The following NCOA4 variants were observed in gnomAD, a reference collection of about 807,000 sequenced individuals.
NCOA4 encodes the protein 70 kDa AR-activator.
A neutral mutation model predicts 69.5 loss-of-function variants in NCOA4; 31 were observed. The ratio of observed to expected loss-of-function variants is 0.45; its 90% confidence interval spans 0.34 to 0.60. NCOA4 has a LOEUF of 0.60. NCOA4 is among the 20% of genes least tolerant of loss of function. NCOA4 has a pLI of 0.02. For missense variants in NCOA4, 600 were observed against 719.2 expected (o/e 0.83, Z 1.90); for synonymous variants, 228 against 252.4 (o/e 0.90, Z 0.92).
chr10:46,023,964 T>A (rs1554925065), intron 1 of NCOA4, among the ~76,000 whole-genome samples: 1 of 152,224 alleles, frequency 6.6e-6, no homozygotes, highest in Non-Finnish European at 1.5e-5. Flanking sequence ...CTTGCTGTTG[T>A]CTATGCATAT....
intron 1 of NCOA4, among the ~76,000 whole-genome samples, chr10:46,020,598 G>A (rs1839813774): frequency 6.6e-6 from 1 of 152,188 alleles, no homozygotes; most frequent in Non-Finnish European, 1.5e-5. Flanking sequence ...TAGACTCACA[G>A]ACTTAGGGGT....
In NCOA4 at chr10:46,013,586, G is replaced by GAA; in HGVS notation, c.532_533dup (p.Leu179SerfsTer20). On this transcript the variant is annotated frameshift_variant, in exon 6 of 10. Transcript: ENST00000581486. LOFTEE classifies it high-confidence loss of function. Reference sequence around the variant, plus strand: ...TGGAGATACAGCCTCTCTTCTCCAGGAAGGGCCCAATATTTGCTGAACTAG... The same window carrying GAA: ...TGGAGATACAGCCTCTCTTCTCCAGGAAAAGGGCCCAATATTTGCTGAACTAG... The GAA allele has an allele frequency of 3.1e-6, 5 of 1,613,492 alleles. No homozygotes were observed. The highest frequency in any genetic ancestry group is 4.2e-6 in the Non-Finnish European group (5 of 1,179,642).
At position 46,005,900 on chromosome 10, in the gene NCOA4, A is replaced by G. The variant is rs1240528779; in HGVS notation, c.*692T>C. 4.8e-6 allele frequency: 1 copy of G among 208,168 alleles called. No homozygotes were observed. The highest frequency in any genetic ancestry group is 9.8e-6 in the Non-Finnish European group (1 of 102,302). 12.9% of individuals were successfully genotyped at this position (208,168 alleles called of 1,614,324 possible). A position where few individuals can be genotyped will look rare whatever the true frequency, so the allele number is the denominator to read the frequency against. On this transcript the variant is annotated 3_prime_UTR_variant, in exon 10 of 10. Coordinates refer to ENST00000581486, the MANE Select transcript of NCOA4 (RefSeq NM_001145263.2). ...GAATTACCTCAAAAATAGTCTTGAAATAATACTGAGTCCTTCTAAAGAGCT... is the reference window on the plus strand; with the variant it reads ...GAATTACCTCAAAAATAGTCTTGAAGTAATACTGAGTCCTTCTAAAGAGCT...
chr10:46,026,006 A>C (rs1554925464), intron 1 of NCOA4, among the ~76,000 whole-genome samples: 1 of 152,216 alleles, frequency 6.6e-6, no homozygotes, highest in African/African-American at 2.4e-5. Context: ...CAATTGTACA[A>C]TGCTTCACCC....
intron 3 of NCOA4, 21 bp from the exon 4 acceptor site, chr10:46,014,963 A>G (rs1554922772): frequency 1.9e-6 from 3 of 1,607,170 alleles, no homozygotes; most frequent in Non-Finnish European, 2.6e-6. Flanking sequence ...AATGAAACCA[A>G]CTAGCCACAA....
Position 46,012,324 on chromosome 10 carries a change from G to C in NCOA4, c.714+559C>G, listed in dbSNP as rs1839282958. 3.3e-5 allele frequency among the ~76,000 whole-genome samples: 5 copies of C among 152,040 alleles called. No individual in the cohort carries two copies. In the South Asian group the frequency reaches 1.0e-3, roughly 31 times the overall value. ...TATCCAAAGTCTTAAAGCGTAAGCA[G>C]AATTATAATCTAGGAATGCAATTTC... is the stretch of plus-strand genomic sequence containing the variant. On this transcript the variant is annotated intron_variant, in intron 7 of 9. Coordinates refer to ENST00000581486, the MANE Select transcript of NCOA4 (RefSeq NM_001145263.2).
Position 46,005,482 on chromosome 10 carries a change from T to C in NCOA4, c.*1110A>G, listed in dbSNP as rs189027941. 52 of 221,128 alleles carry C rather than the reference T, an allele frequency of 2.4e-4. No homozygotes were observed. The East Asian group carries it at 3.0e-3, about 13-fold the overall frequency. 13.7% of individuals were successfully genotyped at this position (221,128 alleles called of 1,614,324 possible). A position where few individuals can be genotyped will look rare whatever the true frequency, so the allele number is the denominator to read the frequency against. ...CAAAGTCTGGAAAGCAGCAAAGATA[T>C]CTTAGAGAAAACATTATAAACCCCA... On this transcript the variant is annotated 3_prime_UTR_variant, in exon 10 of 10. Transcript: ENST00000581486.
At chr10:46,017,106 TGATTACTTTCAAAA>T (rs1352460134) in intron 1 of NCOA4, among the ~76,000 whole-genome samples, 1 of 152,248 alleles carries the variant, frequency 6.6e-6, no homozygotes, top group African/African-American at 2.4e-5. Flanking sequence ...GAAGGATCTT[TGATTACTTTCAAAA>T]TAAGCTGCAA....
chr10:46,008,366 A>G (rs185872966), intron 9 of NCOA4, among the ~76,000 whole-genome samples: 8 of 152,356 alleles, frequency 5.3e-5, no homozygotes, highest in Non-Finnish European at 1.0e-4. Flanking sequence ...CAAAATATCA[A>G]CATTAACAGG....
At chr10:46,011,924 G>C (rs1281916455) in intron 7 of NCOA4, among the ~76,000 whole-genome samples, 1 of 151,544 alleles carries the variant, frequency 6.6e-6, no homozygotes, top group African/African-American at 2.4e-5. Context: ...AGCAGGGTGT[G>C]GTGGCAAGCG....
intron 1 of NCOA4, among the ~76,000 whole-genome samples, chr10:46,025,955 A>G (rs1252127832): frequency 6.6e-6 from 1 of 152,202 alleles, no homozygotes; most frequent in Non-Finnish European, 1.5e-5. Flanking sequence ...TTCACATTCT[A>G]TGTGTGCCAC....
intron 1 of NCOA4, among the ~76,000 whole-genome samples, chr10:46,023,830 C>G (rs1447676738): frequency 6.6e-6 from 1 of 152,232 alleles, no homozygotes; most frequent in African/African-American, 2.4e-5. Flanking sequence ...GCTTATGGTA[C>G]TTCTAGCTTT....
rs559757030 is a variant in NCOA4 at position 46,006,111 on chromosome 10, A to C, written c.*481T>G. On this transcript the variant is annotated 3_prime_UTR_variant, in exon 10 of 10. Transcript: ENST00000581486. ...TTAATTTTTTTGTGCAAAATACACT[A>C]TGTATTAATAGAACAGGAAAATAAT... The C allele has an allele frequency of 4.6e-6, 1 of 218,532 alleles. No homozygotes were observed. Among genetic ancestry groups the C allele is most frequent in the African/African-American group, 2.2e-5 (1 of 44,486 alleles). The allele number at this position is 218,532 out of a possible 1,614,324, so 13.5% of individuals were successfully genotyped here.
chr10:46,012,081 A>AAAAAAAAAAAAAAAAAC (rs1839255209), intron 7 of NCOA4, among the ~76,000 whole-genome samples: 1 of 135,352 alleles, frequency 7.4e-6, no homozygotes, highest in Non-Finnish European at 1.5e-5. Context: ...AAAAAAAAAA[A>AAAAAAAAAAAAAAAAAC]AAAAAAAAAA....
rs782570752 is a variant in NCOA4 at position 46,016,610 on chromosome 10, C to T, written c.71G>A (p.Arg24Gln). Residue 24 changes from arginine (R) to glutamine (Q), a missense_variant, in exon 2 of 10, where the codon CGG (arginine) becomes CAG (glutamine). By Grantham distance (43) the Arg-to-Gln change is conservative (BLOSUM62 1). Coordinates refer to ENST00000581486, the MANE Select transcript of NCOA4 (RefSeq NM_001145263.2). ...ACCAATAGCAAGCTCCAAGTCCCTCCGTGCATCACTACACCTCAAAAGGGG... is the reference window on the plus strand; with the variant it reads ...ACCAATAGCAAGCTCCAAGTCCCTCTGTGCATCACTACACCTCAAAAGGGG... ...REPLLRCSDA[R>Q]RDLELAIGGV... 11 of 1,566,274 alleles carry T rather than the reference C, an allele frequency of 7.0e-6. No homozygotes were observed. Among genetic ancestry groups the T allele is most frequent in the African/African-American group, 5.4e-5 (4 of 73,970 alleles).
chr10:46,008,851 TAATC>T (rs1839013322), intron 9 of NCOA4, among the ~76,000 whole-genome samples: 3 of 152,222 alleles, frequency 2.0e-5, no homozygotes, highest in African/African-American at 7.2e-5. Context: ...GCTACCATCC[TAATC>T]AGTCAGCAGT....
chr10:46,010,607 ATCCTT>A lies in NCOA4; in HGVS notation c.1309_1313del (p.Lys437Ter). 1 of 1,613,908 alleles carries A rather than the reference ATCCTT, an allele frequency of 6.2e-7. No individual in the cohort carries two copies. The highest frequency in any genetic ancestry group is 8.5e-7 in the Non-Finnish European group (1 of 1,179,984). The stretch of plus-strand genomic sequence containing the variant: ...TGGGTTCCACAGGCATCCCATTTTT[ATCCTT>A]TCCTTCTTTCTTCAGAAGCCACTTA... On this transcript the variant is annotated frameshift_variant, in exon 8 of 10. Transcript: ENST00000581486. LOFTEE classifies it high-confidence loss of function.
Position 46,010,747 on chromosome 10 carries a change from G to T in NCOA4, c.1174C>A (p.Gln392Lys). 1.2e-6 allele frequency: 2 copies of T among 1,613,900 alleles called. No individual in the cohort carries two copies. Among genetic ancestry groups the T allele is most frequent in the African/African-American group, 1.3e-5 (1 of 75,002 alleles). Residue 392 changes from glutamine (Q) to lysine (K), a missense_variant, in exon 8 of 10, where the codon CAG becomes AAG. Coordinates refer to ENST00000581486, the MANE Select transcript of NCOA4 (RefSeq NM_001145263.2). ...ACCTTACATGGGTCCTGATGGTTCTGGACAAGCCAATCCTCTGTAACCATG... is the reference window on the plus strand; with the variant it reads ...ACCTTACATGGGTCCTGATGGTTCTTGACAAGCCAATCCTCTGTAACCATG... The part of the protein sequence containing the change: ...PSMVTEDWLV[Q>K]NHQDPCKVEE...
chr10:46,011,571 G>A (rs868940800), intron 7 of NCOA4, among the ~76,000 whole-genome samples: 1 of 151,362 alleles, frequency 6.6e-6, no homozygotes, highest in African/African-American at 2.4e-5. Context: ...CACCACGCCC[G>A]GCCCTGTCTG....
Sources: gnomAD v4.1 joint callset for allele counts (sites outside exome capture counted in the v4.1 genomes callset) on GRCh38, gnomAD v4.1.1 for gene constraint, MANE v1.5 for transcripts, NCBI Gene and HGNC (gene_info 2026-07-23, HGNC 2026-07-21) for gene names.